LRRCC1: variants seen among roughly 807,000 people sequenced by gnomAD.
LRRCC1 encodes leucine-rich repeat and coiled-coil domain-containing protein 1.
In LRRCC1, 115 loss-of-function variants were observed where a neutral mutation model predicts 126.0. The observed-to-expected ratio is 0.91, with a 90% confidence interval of 0.78 to 1.07. The LOEUF (loss-of-function observed/expected upper bound fraction) is 1.07. Ranked by LOEUF, LRRCC1 falls within the 50% of genes least tolerant of loss-of-function variation. The pLI is 0.00. For missense variants in LRRCC1, 1,172 were observed against 1,175.7 expected, an observed-to-expected ratio of 1.00 and a Z score of 0.05; for synonymous variants, 400 against 393.4, an observed-to-expected ratio of 1.02 and a Z score of -0.20.
At position 85,134,896 on chromosome 8, in the gene LRRCC1, A is replaced by C; in HGVS notation, c.2018A>C (p.His673Pro). The part of the protein sequence containing the change: ...NVATELAKSK[H>P]ALIWAQRKEN... Reference sequence around the variant, plus strand: ...GCAACTGAGTTAGCAAAGAGCAAACATGCTCTTATTTGGGCTCAACGAAAA... The same window carrying C: ...GCAACTGAGTTAGCAAAGAGCAAACCTGCTCTTATTTGGGCTCAACGAAAA... Residue 673 changes from histidine to proline, a missense_variant, in exon 13 of 19, where the codon CAT becomes CCT. Coordinates refer to ENST00000360375, the MANE Select transcript of LRRCC1 (RefSeq NM_033402.5). The C allele has an allele frequency of 6.3e-7, 1 of 1,594,184 alleles. No individual in the cohort carries two copies. Among genetic ancestry groups the C allele is most frequent in the Non-Finnish European group, 8.5e-7 (1 of 1,175,470 alleles).
At chr8:85,112,904 C>T in intron 3 of LRRCC1, 28 bp from the exon 4 acceptor site, 1 of 1,502,928 alleles carries the variant, frequency 6.7e-7, no homozygotes, top group South Asian at 1.3e-5. Context: ...ATTGCTGTGG[C>T]ATTTAAAGAA....
In LRRCC1 at chr8:85,141,507, C is replaced by T. The variant is rs746298323; in HGVS notation, c.2966C>T (p.Ala989Val). 14 of 1,604,012 alleles carry T rather than the reference C, an allele frequency of 8.7e-6. No individual in the cohort carries two copies. The South Asian group carries it at 1.4e-4, about 17-fold the overall frequency. The change falls in exon 18 of 19, where the codon GCA (alanine) becomes GTA (valine). Residue 989 changes from alanine (A) to valine (V), a missense_variant. By Grantham distance (64) the Ala-to-Val change is moderately conservative (BLOSUM62 0). Transcript: ENST00000360375. ...ANEKQKCIDS[A>V]NLKVHQIEKE... ...GAAAAGCAGAAGTGTATTGATTCTG[C>T]AAATTTAAAGGTATTGTAAGTAAAA...
intron 8 of LRRCC1, among the ~76,000 whole-genome samples, chr8:85,126,441 C>T (rs970673148): frequency 1.3e-5 from 2 of 152,062 alleles, no homozygotes; most frequent in African/African-American, 2.4e-5. Flanking sequence ...GCCTGTAGTC[C>T]CATCTACTCG....
Position 85,107,304 on chromosome 8 carries a change from G to C in LRRCC1, c.9G>C (p.Ala3=). The C allele has an allele frequency of 6.2e-7, 1 of 1,611,498 alleles. No individual in the cohort carries two copies. Among genetic ancestry groups the C allele is most frequent in the Non-Finnish European group, 8.5e-7 (1 of 1,179,198 alleles). Residue 3 remains alanine (A), a synonymous_variant, in exon 1 of 19, where the codon GCG becomes GCC. Transcript: ENST00000360375. ME[A]AAAVVAAEAE... ...TCCCCGTCGCCAGTGCTATGGAGGC[G>C]GCGGCGGCGGTGGTGGCGGCAGAGG...
chr8:85,135,999 A>G, intron 14 of LRRCC1, 36 bp downstream of exon 14: 1 of 1,471,502 alleles, frequency 6.8e-7, no homozygotes, highest in Non-Finnish European at 9.1e-7. Flanking sequence ...AAAATAGCTT[A>G]TTCTTATAAA....
In LRRCC1 at chr8:85,134,919, A is replaced by G; in HGVS notation, c.2041A>G (p.Lys681Glu). 1 of 1,597,676 alleles carries G rather than the reference A, an allele frequency of 6.3e-7. No individual in the cohort carries two copies. The highest frequency in any genetic ancestry group is 8.5e-7 in the Non-Finnish European group (1 of 1,176,768). ...SKHALIWAQR[K>E]ENESSSLIKD... is the part of the protein sequence containing the mutation. ...ACATGCTCTTATTTGGGCTCAACGA[A>G]AAGAAAATGAGTCTTCCTCTTTAAT... Residue 681 changes from lysine to glutamate, a missense_variant, in exon 13 of 19, where the codon AAA becomes GAA. Transcript: ENST00000360375.
chr8:85,144,669 G>A (rs1226042359), intron 18 of LRRCC1, among the ~76,000 whole-genome samples: 2 of 146,856 alleles, frequency 1.4e-5, no homozygotes, highest in Admixed American at 1.3e-4. Flanking sequence ...TCTCCATGTT[G>A]GCCAGGCTGG....
rs1810258382 is a variant in LRRCC1 at position 85,129,295 on chromosome 8, A to G, written c.1542A>G (p.Gln514=). 2 of 1,613,792 alleles carry G rather than the reference A, an allele frequency of 1.2e-6. No individual in the cohort carries two copies. The highest frequency in any genetic ancestry group is 2.7e-5 in the African/African-American group (2 of 74,922). The change falls in exon 10 of 19, where the codon CAA becomes CAG. Residue 514 remains glutamine (Q), a synonymous_variant. Transcript: ENST00000360375. ...TVELMKAKDQ[Q]EDHLKHLRTL... Reference sequence around the variant, plus strand: ...AACTAATGAAAGCAAAAGATCAACAAGAGGATCACCTTAAACACTTAAGAA... The same window carrying G: ...AACTAATGAAAGCAAAAGATCAACAGGAGGATCACCTTAAACACTTAAGAA...
At position 85,134,829 on chromosome 8, in the gene LRRCC1, T is replaced by C; in HGVS notation, c.1969-18T>C. The C allele has an allele frequency of 6.6e-7, 1 of 1,520,128 alleles. No homozygotes were observed. Among genetic ancestry groups the C allele is most frequent in the African/African-American group, 1.4e-5 (1 of 70,240 alleles). The allele number at this position is 1,520,128 out of a possible 1,614,324, so 94.2% of individuals were successfully genotyped here. A position where few individuals can be genotyped will look rare whatever the true frequency, so the allele number is the denominator to read the frequency against. Reference sequence around the variant, plus strand: ...TTATTTGGAGAACTGCTATTTATAATACAATTTTGGAATATAGGTTAAAGA... The same window carrying C: ...TTATTTGGAGAACTGCTATTTATAACACAATTTTGGAATATAGGTTAAAGA... On this transcript the variant is annotated intron_variant, in intron 12 of 18. Coordinates refer to ENST00000360375, the MANE Select transcript of LRRCC1 (RefSeq NM_033402.5).
chr8:85,117,167 A>T (rs1234519546), intron 6 of LRRCC1, among the ~76,000 whole-genome samples: 3 of 152,174 alleles, frequency 2.0e-5, no homozygotes, highest in Non-Finnish European at 4.4e-5. Context: ...AGAGATTAAT[A>T]TATTATTGTC....
chr8:85,108,640 CAGCAGGAT>C (rs1808454983), intron 1 of LRRCC1: 2 of 152,188 alleles, frequency 1.3e-5, no homozygotes, highest in African/African-American at 4.8e-5. Context: ...GTAAATGACA[CAGCAGGAT>C]AAGTGGGAAA....
intron 9 of LRRCC1, among the ~76,000 whole-genome samples, chr8:85,128,839 A>G (rs528939389): frequency 3.9e-4 from 59 of 152,192 alleles, no homozygotes; most frequent in African/African-American, 1.4e-3. Context: ...CTATCCCACA[A>G]CCAGTTGATA....
chr8:85,142,899 C>T (rs1563962106), intron 18 of LRRCC1, among the ~76,000 whole-genome samples: 2 of 151,658 alleles, frequency 1.3e-5, no homozygotes, highest in Non-Finnish European at 2.9e-5. Context: ...TGACATTATC[C>T]TCAGGACTCT....
At chr8:85,118,656 T>C (rs1415285307) in intron 6 of LRRCC1, among the ~76,000 whole-genome samples, 2 of 152,158 alleles carry the variant, frequency 1.3e-5, no homozygotes, top group African/African-American at 4.8e-5. Flanking sequence ...CATGTGTTTA[T>C]TGAATATTTA....
intron 3 of LRRCC1, 35 bp downstream of exon 3, chr8:85,110,215 A>G (rs1808599925): frequency 1.1e-6 from 1 of 894,214 alleles, no homozygotes; most frequent in Non-Finnish European, 1.7e-6. Context: ...TGTATGCTAA[A>G]TGTTGTGCCA....
Position 85,109,875 on chromosome 8 carries a change from G to A in LRRCC1, c.310+75G>A, listed in dbSNP as rs1018054296. On this transcript the variant is annotated intron_variant, in intron 2 of 18. Transcript: ENST00000360375. The stretch of plus-strand genomic sequence containing the variant: ...GTCCATTTTTTTCCCCAAAAGAATG[G>A]AATAAATATCAGAAACTCTTAAAAA... 1.5e-5 allele frequency: 11 copies of A among 741,040 alleles called. No individual in the cohort carries two copies. In the Middle Eastern group the frequency reaches 1.2e-3, roughly 80 times the overall value. The allele number at this position is 741,040 out of a possible 1,614,324, so 45.9% of individuals were successfully genotyped here. A position where few individuals can be genotyped will look rare whatever the true frequency, so the allele number is the denominator to read the frequency against.
chr8:85,113,132 A>G (rs1371468453), intron 4 of LRRCC1, 33 bp downstream of exon 4: 1 of 1,530,134 alleles, frequency 6.5e-7, no homozygotes, highest in Non-Finnish European at 8.9e-7. Flanking sequence ...TTTTTCTAAC[A>G]GTTAATATTG....
chr8:85,126,945 G>A, intron 9 of LRRCC1, 108 bp downstream of exon 9: 1 of 951,984 alleles, frequency 1.1e-6, no homozygotes, highest in Non-Finnish European at 1.5e-6. Context: ...CAATGTATGT[G>A]GTTTTAGTTT....
chr8:85,117,906 A>T (rs1809244235), intron 6 of LRRCC1, among the ~76,000 whole-genome samples: 1 of 152,082 alleles, frequency 6.6e-6, no homozygotes, highest in African/African-American at 2.4e-5. Flanking sequence ...AATATTTTTT[A>T]GGTGTTTTCT....
Sources: allele counts gnomAD v4.1 joint callset (sites outside exome capture counted in the v4.1 genomes callset), GRCh38; gene constraint gnomAD v4.1.1; transcripts MANE v1.5; gene names NCBI Gene and HGNC (gene_info 2026-07-23, HGNC 2026-07-21).